DPP6: variants seen among roughly 807,000 people sequenced by gnomAD.
DPP6 encodes dipeptidyl peptidase like 6, also known as A-type potassium channel modulatory protein DPP6.
Under a neutral mutation model 122.6 loss-of-function variants are expected in DPP6, and 69 were observed. The observed-to-expected ratio is 0.56, with a 90% CI of 0.46 to 0.69. The LOEUF (loss-of-function observed/expected upper bound fraction) is 0.69. Ranked by LOEUF, DPP6 falls within the 30% of genes least tolerant of loss-of-function variation. DPP6 has a pLI of 0.00. For missense variants in DPP6, 928 were observed against 1,116.9 expected (o/e 0.83, Z 2.41); for synonymous variants, 418 against 433.1 (o/e 0.97, Z 0.43).
intron 1 of DPP6, among the ~76,000 whole-genome samples, chr7:154,190,085 C>T (rs1798540228): frequency 6.6e-6 from 1 of 152,176 alleles, no homozygotes; most frequent in Non-Finnish European, 1.5e-5. Flanking sequence ...AGCTCCAATG[C>T]ATATCTGATT....
chr7:154,354,656 C>T (rs1237739140), intron 1 of DPP6, among the ~76,000 whole-genome samples: 3 of 152,150 alleles, frequency 2.0e-5, no homozygotes, highest in Admixed American at 6.5e-5. Flanking sequence ...AATACATATT[C>T]GTTTGCATCT....
intron 5 of DPP6, among the ~76,000 whole-genome samples, chr7:154,583,851 G>T (rs754269589): frequency 1.3e-5 from 2 of 152,246 alleles, no homozygotes; most frequent in East Asian, 3.9e-4. Flanking sequence ...GATCTCATCC[G>T]TTTAATCCCA....
intron 1 of DPP6, among the ~76,000 whole-genome samples, chr7:154,444,705 A>G (rs1266075152): frequency 6.6e-6 from 1 of 152,204 alleles, no homozygotes; most frequent in Non-Finnish European, 1.5e-5. Flanking sequence ...CACAGACTTG[A>G]TGAAAAGGGC....
chr7:153,926,068 C>G (rs1339064943), intron 1 of DPP6, among the ~76,000 whole-genome samples: 2 of 152,158 alleles, frequency 1.3e-5, no homozygotes, highest in African/African-American at 2.4e-5. Flanking sequence ...CGTCCTCTCT[C>G]CAGGTGAACT....
At chr7:153,863,402 C>T in the DPP6 span, among the ~76,000 whole-genome samples, 3 of 151,778 alleles carry the variant, frequency 2.0e-5, no homozygotes, top group African/African-American at 7.3e-5. Flanking sequence ...TTGTAGTAAA[C>T]AACAACAACA....
the DPP6 span, among the ~76,000 whole-genome samples, chr7:153,783,950 T>A: frequency 1.3e-5 from 2 of 152,254 alleles, no homozygotes; most frequent in Non-Finnish European, 2.9e-5. Context: ...TGTGGCAACA[T>A]GGAGGAATCT....
At chr7:154,668,219 A>ATATAT (rs1554430259) in intron 6 of DPP6, among the ~76,000 whole-genome samples, 30 of 54,342 alleles carry the variant, frequency 5.5e-4, no homozygotes, top group Middle Eastern at 0.015. Context: ...ATATATATAT[A>ATATAT]ATATACACAT....
At chr7:154,093,286 A>G (rs566533893) in intron 1 of DPP6, among the ~76,000 whole-genome samples, 3,058 of 144,756 alleles carry the variant, frequency 0.021, 110 homozygotes, top group African/African-American at 0.076. Flanking sequence ...CATACACACC[A>G]TACACACACA....
At chr7:154,228,787 G>A (rs920594590) in intron 1 of DPP6, among the ~76,000 whole-genome samples, 1 of 152,094 alleles carries the variant, frequency 6.6e-6, no homozygotes, top group East Asian at 1.9e-4. Flanking sequence ...ACTTTTTAAA[G>A]CAATGATGTC....
chr7:153,816,063 T>A, the DPP6 span, among the ~76,000 whole-genome samples: 5 of 151,824 alleles, frequency 3.3e-5, no homozygotes, highest in Admixed American at 2.0e-4. Context: ...AAAGAAAATA[T>A]TGTGTGTTAT....
At chr7:153,969,668 C>T (rs185415729) in intron 1 of DPP6, among the ~76,000 whole-genome samples, 1 of 149,412 alleles carries the variant, frequency 6.7e-6, no homozygotes, top group Admixed American at 6.6e-5. Context: ...TTTTTCTATA[C>T]TTTTTTGTGT....
rs149102372 is a variant in DPP6 at position 154,859,790 on chromosome 7, C to T, written c.1714+5963C>T. Among the ~76,000 whole-genome samples the T allele has an allele frequency of 1.3e-3, 195 of 152,302 alleles. 1 individual carries two copies. Among genetic ancestry groups the T allele is most frequent in the East Asian group, 5.6e-3 (29 of 5,176 alleles). On this transcript the variant is annotated intron_variant, in intron 17 of 25. Transcript: ENST00000377770. ...CAACAAAATCATAGTGAATACATTG[C>T]GGGCTTTAATGTAAATATGAAAGGC...
At chr7:154,143,819 T>C (rs1268949459) in intron 1 of DPP6, among the ~76,000 whole-genome samples, 3 of 152,148 alleles carry the variant, frequency 2.0e-5, no homozygotes, top group Admixed American at 2.0e-4. Context: ...ATTTAGCTAC[T>C]AGATAGTCTC....
At chr7:154,360,271 A>C (rs1300488836) in intron 1 of DPP6, among the ~76,000 whole-genome samples, 1 of 152,188 alleles carries the variant, frequency 6.6e-6, no homozygotes, top group Non-Finnish European at 1.5e-5. Context: ...ATTTGTGAGA[A>C]AATTCAGCCA....
chr7:154,554,992 A>G (rs2130415084), intron 4 of DPP6, among the ~76,000 whole-genome samples: 1 of 152,312 alleles, frequency 6.6e-6, no homozygotes, highest in East Asian at 1.9e-4. Flanking sequence ...GTAAGAATAA[A>G]TAATTGCTTA....
rs180704120 is a variant in DPP6 at position 154,460,542 on chromosome 7, T to C, written c.358+14214T>C. Among the ~76,000 whole-genome samples, 10 of 152,346 alleles carry C rather than the reference T, an allele frequency of 6.6e-5. No homozygotes were observed. In the East Asian group the frequency reaches 1.9e-3, roughly 29 times the overall value. ...CACTAGATAATATGGGAAAGAAGCA[T>C]GCTTAAAAGACTTTCTTCTCAATCC... On this transcript the variant is annotated intron_variant, in intron 2 of 25. Coordinates refer to ENST00000377770, the MANE Select transcript of DPP6 (RefSeq NM_130797.4).
chr7:154,820,382 A>G (rs1293155529), intron 16 of DPP6, among the ~76,000 whole-genome samples: 2 of 152,228 alleles, frequency 1.3e-5, no homozygotes, highest in African/African-American at 4.8e-5. Context: ...GTGAAAATGA[A>G]GGAAGCTGAC....
intron 3 of DPP6, among the ~76,000 whole-genome samples, chr7:154,521,561 A>G (rs573877661): frequency 3.3e-5 from 5 of 152,348 alleles, no homozygotes; most frequent in South Asian, 4.1e-4. Flanking sequence ...TGGGCAATGC[A>G]TTAATCAAAG....
At chr7:154,177,687 G>A (rs888976859) in intron 1 of DPP6, among the ~76,000 whole-genome samples, 2 of 152,170 alleles carry the variant, frequency 1.3e-5, no homozygotes, top group Non-Finnish European at 2.9e-5. Context: ...AATTTGGACT[G>A]GTCTTGAAGG....
Sources: gnomAD v4.1 joint callset for allele counts (sites outside exome capture counted in the v4.1 genomes callset) on GRCh38, gnomAD v4.1.1 for gene constraint, MANE v1.5 for transcripts, NCBI Gene and HGNC (gene_info 2026-07-23, HGNC 2026-07-21) for gene names.